Variants in TTLL8 observed in about 807,000 individuals in gnomAD.
TTLL8 encodes the protein protein monoglycylase TTLL8.
TTLL8 carries 65 observed loss-of-function variants against 77.8 expected under a neutral mutation model. That is an observed-to-expected ratio of 0.84 (90% CI 0.68 to 1.03). The LOEUF is 1.03. TTLL8 is among the 50% of genes least tolerant of loss of function. The pLI, the probability that TTLL8 is intolerant of heterozygous loss-of-function variation, is 0.00. For missense variants in TTLL8, 910 were observed against 1,004.5 expected, an observed-to-expected ratio of 0.91 and a Z score of 1.27; for synonymous variants, 402 against 422.8, an observed-to-expected ratio of 0.95 and a Z score of 0.60.
intron 2 of TTLL8, among the ~76,000 whole-genome samples, chr22:50,049,624 A>C (rs1354972908): frequency 6.6e-6 from 1 of 152,142 alleles, no homozygotes; most frequent in Non-Finnish European, 1.5e-5. Context: ...TGGTGGAGAC[A>C]GCCCGGGATG....
intron 12 of TTLL8, among the ~76,000 whole-genome samples, chr22:50,026,606 T>A (rs372187710): frequency 6.6e-6 from 1 of 152,312 alleles, no homozygotes; most frequent in East Asian, 1.9e-4. Context: ...AGGTAATTGA[T>A]GATGATTTAA....
intron 12 of TTLL8, among the ~76,000 whole-genome samples, chr22:50,019,072 T>C (rs1255192051): frequency 1.3e-5 from 2 of 152,194 alleles, no homozygotes; most frequent in East Asian, 3.8e-4. Context: ...AGCACGGGAC[T>C]TCACATTTTC....
chr22:50,026,728 G>A (rs1401852099), intron 12 of TTLL8, among the ~76,000 whole-genome samples: 1 of 152,178 alleles, frequency 6.6e-6, no homozygotes, highest in East Asian at 1.9e-4. Context: ...TCTACTTACG[G>A]TCTGTCCTCA....
chr22:50,054,058 C>A (rs1267622830), intron 1 of TTLL8, among the ~76,000 whole-genome samples: 1 of 152,162 alleles, frequency 6.6e-6, no homozygotes, highest in Non-Finnish European at 1.5e-5. Context: ...CTGGCCATAA[C>A]CTCACCATGC....
chr22:50,023,887 G>T (rs998135515), intron 12 of TTLL8, among the ~76,000 whole-genome samples: 1 of 151,852 alleles, frequency 6.6e-6, no homozygotes, highest in African/African-American at 2.4e-5. Context: ...GGGCATGGTC[G>T]TGGGCACCTG....
chr22:50,053,963 G>A lies in TTLL8; in HGVS notation c.51+613C>T, dbSNP rs978652920. The stretch of plus-strand genomic sequence containing the variant: ...TTTGTACACGTTCTGCTCTCCGTCC[G>A]GGTGTGTCCGGCCTTAACATCACCA... On this transcript the variant is annotated intron_variant, in intron 1 of 13. Transcript: ENST00000266182. Among the ~76,000 whole-genome samples the A allele has an allele frequency of 4.0e-5, 6 of 149,848 alleles. 1 individual carries two copies. Among genetic ancestry groups the A allele is most frequent in the Admixed American group, 2.7e-4 (4 of 15,010 alleles).
chr22:50,032,972 G>A (rs962444209), intron 10 of TTLL8, among the ~76,000 whole-genome samples: 2 of 152,240 alleles, frequency 1.3e-5, no homozygotes, highest in Non-Finnish European at 2.9e-5. Flanking sequence ...CAGAGATGAT[G>A]CACAGAGCGT....
At chr22:50,040,559 C>G (rs578074471) in intron 8 of TTLL8, among the ~76,000 whole-genome samples, 2 of 152,184 alleles carry the variant, frequency 1.3e-5, no homozygotes, top group East Asian at 3.8e-4. Context: ...GGACTGGAAA[C>G]GTTTTGTGTC....
chr22:50,027,651 G>A (rs1392943169), intron 12 of TTLL8: 7 of 985,260 alleles, frequency 7.1e-6, no homozygotes, highest in African/African-American at 7.0e-5. Flanking sequence ...GGGCCAGCAC[G>A]CACTTCCTGT....
chr22:50,035,281 G>A (rs763672215), intron 8 of TTLL8, among the ~76,000 whole-genome samples: 33 of 152,324 alleles, frequency 2.2e-4, no homozygotes, highest in African/African-American at 7.5e-4. Context: ...GACGCCAGCC[G>A]TGACTCTCAC....
At chr22:50,027,633 A>T (rs2061238638) in intron 12 of TTLL8, 2 of 985,376 alleles carry the variant, frequency 2.0e-6, no homozygotes, top group Non-Finnish European at 2.4e-6. Context: ...TAAGCCAACA[A>T]GCTCCAAGGG....
rs1675383479 is a variant in TTLL8 at position 50,034,285 on chromosome 22, G to T, written c.1039+60C>A. ...GGCCTGAAACTGTCCCTCACTCACG[G>T]CTCCTGGCATCAAGTGTGGCCGTTG... On this transcript the variant is annotated intron_variant, in intron 9 of 13. Coordinates refer to ENST00000266182, the Ensembl canonical transcript of TTLL8. The surrounding 1 kb of genome is among the most constrained non-coding windows in gnomAD (Gnocchi z 4.1). 3 of 1,316,562 alleles carry T rather than the reference G, an allele frequency of 2.3e-6. No individual in the cohort carries two copies. The highest frequency in any genetic ancestry group is 3.0e-5 in the African/African-American group (2 of 66,662). The allele number at this position is 1,316,562 out of a possible 1,614,324, so 81.6% of individuals were successfully genotyped here.
chr22:50,055,866 G>A (rs1259734421), upstream of TTLL8, among the ~76,000 whole-genome samples: 1 of 152,094 alleles, frequency 6.6e-6, no homozygotes, highest in African/African-American at 2.4e-5. Context: ...AATAGGGGCT[G>A]GTTAAAATGA....
chr22:50,027,782 G>C (rs2061239946), intron 12 of TTLL8: 3 of 985,464 alleles, frequency 3.0e-6, no homozygotes, highest in Non-Finnish European at 2.4e-6. Context: ...GCGAGCACTA[G>C]CCTGAGGCCG....
Position 50,044,937 on chromosome 22 carries a change from C to T in TTLL8, c.643+318G>A, listed in dbSNP as rs533467874. Among the ~76,000 whole-genome samples the T allele has an allele frequency of 2.6e-5, 4 of 152,236 alleles. No individual in the cohort carries two copies. Among genetic ancestry groups the T allele is most frequent in the East Asian group, 3.9e-4 (2 of 5,176 alleles). On this transcript the variant is annotated intron_variant, in intron 6 of 13. Transcript: ENST00000266182. This position sits in a 1 kb window ranked among gnomAD's most constrained non-coding sequence, Gnocchi z 4.2. ...ACTCAGGCTGCGGCATCGTGGTGGCCGTGGGGTGGGGCAGGCTTCCGACCA... is the reference window on the plus strand; with the variant it reads ...ACTCAGGCTGCGGCATCGTGGTGGCTGTGGGGTGGGGCAGGCTTCCGACCA...
chr22:50,025,809 G>T (rs1458353306), intron 12 of TTLL8, among the ~76,000 whole-genome samples: 1 of 152,180 alleles, frequency 6.6e-6, no homozygotes, highest in East Asian at 1.9e-4. Context: ...CTAGTCACCT[G>T]AGAAACACGA....
exon 5 of TTLL8, chr22:50,045,941 C>T: frequency 1.5e-6 from 2 of 1,360,384 alleles, no homozygotes; most frequent in Non-Finnish European, 2.0e-6. Context: ...CGTACCAGGG[C>T]AGGCTCCGCA....
At chr22:50,032,254 C>G in intron 10 of TTLL8, 145 bp from the exon 12 acceptor site, 1 of 821,336 alleles carries the variant, frequency 1.2e-6, no homozygotes, top group Non-Finnish European at 1.7e-6. Flanking sequence ...TGGAGGGGCC[C>G]AGCTGGGATG....
At chr22:50,054,617 G>A (rs1211891566) in exon 1 of TTLL8, 2 of 233,524 alleles carry the variant, frequency 8.6e-6, no homozygotes, top group Admixed American at 4.3e-5. Context: ...TTCCCATCCA[G>A]GAGCCTCATG....
Sources: allele counts gnomAD v4.1 joint callset (sites outside exome capture counted in the v4.1 genomes callset), GRCh38; gene constraint gnomAD v4.1.1; non-coding constraint Gnocchi (gnomAD v3.1); transcripts MANE v1.5; gene names NCBI Gene and HGNC (gene_info 2026-07-23, HGNC 2026-07-21).